ABCG5: variants seen among roughly 807,000 people sequenced by gnomAD.
ABCG5 encodes ATP-binding cassette sub-family G member 5.
Under a neutral mutation model 64.5 loss-of-function variants are expected in ABCG5, and 64 were observed. The observed-to-expected ratio is 0.99, with a 90% CI of 0.81 to 1.22. The LOEUF (loss-of-function observed/expected upper bound fraction) is 1.22, where lower values mean the gene tolerates loss of function less well. Among genes scored for constraint, ABCG5 ranks in the 50% most tolerant of loss-of-function variants. The pLI is 0.00. For missense variants in ABCG5, 908 were observed against 829.5 expected (o/e 1.09, Z -1.16); for synonymous variants, 385 against 326.3 (o/e 1.18, Z -1.94).
chr2:43,816,449 A>T (rs1366435688), intron 11 of ABCG5, among the ~76,000 whole-genome samples: 1 of 152,196 alleles, frequency 6.6e-6, no homozygotes, highest in South Asian at 2.1e-4. Flanking sequence ...AGAGAAATGG[A>T]TCAGTGAAAG....
Position 43,813,324 on chromosome 2 carries a change from A to G in ABCG5, c.1763-15T>C, listed in dbSNP as rs750077360. ...ATTTGAGCTGCCTGTCAAGGAAAAGATTGACAGTGTCAGGTGTGGTTTATC... is the reference window on the plus strand; with the variant it reads ...ATTTGAGCTGCCTGTCAAGGAAAAGGTTGACAGTGTCAGGTGTGGTTTATC... On this transcript the variant is annotated splice_polypyrimidine_tract_variant and intron_variant, in intron 12 of 12. Transcript: ENST00000405322. 2 of 1,567,542 alleles carry G rather than the reference A, an allele frequency of 1.3e-6. No homozygotes were observed. Among genetic ancestry groups the G allele is most frequent in the African/African-American group, 2.7e-5 (2 of 73,794 alleles).
In ABCG5 at chr2:43,837,870, C is replaced by A. The variant is rs119480070; in HGVS notation, c.229G>T (p.Glu77Ter). 2.5e-6 allele frequency: 4 copies of A among 1,614,028 alleles called. No homozygotes were observed. In the South Asian group the frequency reaches 4.4e-5, roughly 18 times the overall value. ...QILKDVSLYV[E>*]SGQIMCILGS... ...AGGATGCACATGATCTGCCCGCTCT[C>A]CACGTACAAGGAGACATCTTTGAGG... Residue 77 changes from glutamate to a stop codon, truncating the protein, a stop_gained, in exon 2 of 13, where the codon GAG becomes TAG. Coordinates refer to ENST00000405322, the MANE Select transcript of ABCG5 (RefSeq NM_022436.3). LOFTEE classifies it high-confidence loss of function.
At position 43,838,472 on chromosome 2, in the gene ABCG5, G is replaced by T; in HGVS notation, c.143+65C>A. Reference sequence around the variant, plus strand: ...GGCACTTAAAGAGTGAAGAAAGGCAGCAGAGGGGTGAGCGCCGGGCCCCGC... The same window carrying T: ...GGCACTTAAAGAGTGAAGAAAGGCATCAGAGGGGTGAGCGCCGGGCCCCGC... On this transcript the variant is annotated intron_variant, in intron 1 of 12. Transcript: ENST00000405322. The surrounding 1 kb of genome is among the most constrained non-coding windows in gnomAD (Gnocchi z 4.2). 1 of 1,481,380 alleles carries T rather than the reference G, an allele frequency of 6.8e-7. No homozygotes were observed. Among genetic ancestry groups the T allele is most frequent in the Non-Finnish European group, 9.2e-7 (1 of 1,085,304 alleles). The allele number at this position is 1,481,380 out of a possible 1,614,324, so 91.8% of individuals were successfully genotyped here. A position where few individuals can be genotyped will look rare whatever the true frequency, so the allele number is the denominator to read the frequency against.
At position 43,826,941 on chromosome 2, in the gene ABCG5, A is replaced by G. The variant is rs886568282; in HGVS notation, c.635-420T>C. Among the ~76,000 whole-genome samples the G allele has an allele frequency of 5.9e-5, 9 of 152,372 alleles. No individual in the cohort carries two copies. In the South Asian group the frequency reaches 1.9e-3, roughly 32 times the overall value. On this transcript the variant is annotated intron_variant, in intron 5 of 12. Coordinates refer to ENST00000405322, the MANE Select transcript of ABCG5 (RefSeq NM_022436.3). ...CACCAGCAGGGTCTTTGCACAGAAA[A>G]GAAAAAAATCTGACGAATAAAACAA... is the stretch of plus-strand genomic sequence containing the variant.
intron 10 of ABCG5, 106 bp downstream of exon 10, chr2:43,822,691 A>C: frequency 1.9e-6 from 3 of 1,580,010 alleles, no homozygotes; most frequent in Non-Finnish European, 2.6e-6. Context: ...CAAAGTGTAG[A>C]TCCTCCAGAG....
intron 10 of ABCG5, 55 bp downstream of exon 10, chr2:43,822,742 C>A: frequency 6.2e-7 from 1 of 1,612,926 alleles, no homozygotes; most frequent in African/African-American, 1.3e-5. Context: ...ACGAGTCCCA[C>A]TAGCTCCATG....
At position 43,826,444 on chromosome 2, in the gene ABCG5, G is replaced by T. The variant is rs766461333; in HGVS notation, c.712C>A (p.Leu238Met). ...ACCACAATTCGGTTCCTGCGAGCCA[G>T]TTCCACCAGGAGGACGACAATCTGA... ...ANQIVVLLVE[L>M]ARRNRIVVLT... is the part of the protein sequence containing the mutation. The change falls in exon 6 of 13, where the codon CTG becomes ATG. Residue 238 changes from leucine (L) to methionine (M), a missense_variant. Coordinates refer to ENST00000405322, the MANE Select transcript of ABCG5 (RefSeq NM_022436.3). 5 of 1,614,172 alleles carry T rather than the reference G, an allele frequency of 3.1e-6. No homozygotes were observed. The highest frequency in any genetic ancestry group is 1.1e-5 in the South Asian group (1 of 91,080).
chr2:43,824,203 T>C lies in ABCG5; in HGVS notation c.1118+16A>G. 3 of 1,614,102 alleles carry C rather than the reference T, an allele frequency of 1.9e-6. No individual in the cohort carries two copies. The highest frequency in any genetic ancestry group is 2.5e-6 in the Non-Finnish European group (3 of 1,179,918). On this transcript the variant is annotated intron_variant, in intron 8 of 12. Transcript: ENST00000405322. ...AGACCTCTAACAGGCATTTCTCACATTTGTGAGCCTCTTACCTCAGGAGAA... is the reference window on the plus strand; with the variant it reads ...AGACCTCTAACAGGCATTTCTCACACTTGTGAGCCTCTTACCTCAGGAGAA...
chr2:43,814,591 T>C lies in ABCG5; in HGVS notation c.1650-2A>G. 1.3e-6 allele frequency: 2 copies of C among 1,567,632 alleles called. No individual in the cohort carries two copies. Among genetic ancestry groups the C allele is most frequent in the Non-Finnish European group, 1.8e-6 (2 of 1,138,852 alleles). On this transcript the variant is annotated splice_acceptor_variant, in intron 11 of 12. Transcript: ENST00000405322. LOFTEE classifies it high-confidence loss of function. ...GGAATGGGCATTTCTTGTATGTTTC[T>C]TAAGAAAAAGAAAACAAAAATGAAA...
intron 6 of ABCG5, among the ~76,000 whole-genome samples, chr2:43,825,940 C>T (rs1667569479): frequency 6.6e-6 from 1 of 152,028 alleles, no homozygotes; most frequent in Non-Finnish European, 1.5e-5. Flanking sequence ...CTTCCCCTCT[C>T]AGGAGCTGTT....
At chr2:43,831,113 C>T (rs1667922182) in intron 4 of ABCG5, among the ~76,000 whole-genome samples, 1 of 152,116 alleles carries the variant, frequency 6.6e-6, no homozygotes, top group Non-Finnish European at 1.5e-5. Flanking sequence ...ATTTTAATAA[C>T]ATATTATTTA....
intron 10 of ABCG5, chr2:43,822,477 G>GTC: frequency 2.9e-6 from 1 of 349,192 alleles, no homozygotes; most frequent in African/African-American, 3.4e-5. Context: ...CCCTCCCCCA[G>GTC]GCCCCCCCCC....
At chr2:43,809,752 C>T (rs374650741), downstream of ABCG5, 5 of 1,611,552 alleles carry the variant, frequency 3.1e-6, no homozygotes, top group African/African-American at 1.3e-5. Flanking sequence ...GGAAACAAAT[C>T]GAGCTTGATT....
chr2:43,817,318 C>G (rs1284641215), intron 11 of ABCG5, among the ~76,000 whole-genome samples: 1 of 151,872 alleles, frequency 6.6e-6, no homozygotes, highest in African/African-American at 2.4e-5. Flanking sequence ...AACCTCATCT[C>G]TACCAAAAAT....
At position 43,823,963 on chromosome 2, in the gene ABCG5, T is replaced by TG; in HGVS notation, c.1273dup (p.Gln425ProfsTer71). 6.2e-7 allele frequency: 1 copy of TG among 1,614,088 alleles called. No homozygotes were observed. Among genetic ancestry groups the TG allele is most frequent in the South Asian group, 1.1e-5 (1 of 91,076 alleles). ...TGTGTACGGGGTGGCGCCCACAAAC[T>TG]GGTAAAGGAGACCTACGCGGTCCTG... On this transcript the variant is annotated frameshift_variant, in exon 9 of 13. Coordinates refer to ENST00000405322, the MANE Select transcript of ABCG5 (RefSeq NM_022436.3). LOFTEE classifies it high-confidence loss of function.
chr2:43,807,828 G>A (rs1666325624), downstream of ABCG5, among the ~76,000 whole-genome samples: 1 of 148,076 alleles, frequency 6.8e-6, no homozygotes, highest in African/African-American at 2.5e-5. Flanking sequence ...AGTTATCTTC[G>A]GAAAACTTTA....
chr2:43,809,089 A>G (rs1666384328), downstream of ABCG5, among the ~76,000 whole-genome samples: 1 of 151,902 alleles, frequency 6.6e-6, no homozygotes, highest in South Asian at 2.1e-4. Context: ...CCCAGGTTCA[A>G]GCGATCCTCC....
chr2:43,810,962 C>T (rs1337112253), downstream of ABCG5, among the ~76,000 whole-genome samples: 2 of 152,208 alleles, frequency 1.3e-5, no homozygotes, highest in African/African-American at 2.4e-5. Context: ...CAAACTGTCA[C>T]ATGTTGAAAG....
chr2:43,810,157 C>A, downstream of ABCG5: 1 of 365,656 alleles, frequency 2.7e-6, no homozygotes, highest in Non-Finnish European at 3.8e-6. Flanking sequence ...AAGGCATTCT[C>A]AGCTGTAGCT....
Sources: allele counts gnomAD v4.1 joint callset (sites outside exome capture counted in the v4.1 genomes callset), GRCh38; gene constraint gnomAD v4.1.1; non-coding constraint Gnocchi (gnomAD v3.1); transcripts MANE v1.5; gene names NCBI Gene and HGNC (gene_info 2026-07-23, HGNC 2026-07-21).